The following CCDC57 variants were observed in gnomAD, a reference collection of about 807,000 sequenced individuals.
The protein encoded by CCDC57 is coiled-coil domain-containing protein 57.
Under a neutral mutation model 118.9 loss-of-function variants are expected in CCDC57, and 118 were observed. That is an observed-to-expected ratio of 0.99 (90% CI 0.86 to 1.16). The LOEUF (loss-of-function observed/expected upper bound fraction) is 1.16, where lower values mean the gene tolerates loss of function less well. CCDC57 is among the 50% of genes most tolerant of loss of function. The pLI is 0.00. For synonymous variants in CCDC57, 527 were observed against 532.9 expected (o/e 0.99, Z 0.15); for missense variants, 1,300 against 1,320.7 (o/e 0.98, Z 0.24).
exon 4 of CCDC57, chr17:82,198,388 G>T: frequency 6.2e-7 from 1 of 1,612,914 alleles, no homozygotes; most frequent in African/African-American, 1.3e-5. Context: ...TTTTCATACT[G>T]TTCCCGGTGG....
chr17:82,157,513 C>G, intron 15 of CCDC57: 1 of 1,423,680 alleles, frequency 7.0e-7, no homozygotes, highest in Non-Finnish European at 9.1e-7. Flanking sequence ...CCGCCCCCCA[C>G]CAACGGGGCA....
chr17:82,195,407 AG>A (rs1313535237), intron 4 of CCDC57, 43 bp from the exon 4 acceptor site: 1 of 1,493,886 alleles, frequency 6.7e-7, no homozygotes, highest in Non-Finnish European at 9.1e-7. Flanking sequence ...GTGGGAACCC[AG>A]CAAAGACCCC....
intron 7 of CCDC57, among the ~76,000 whole-genome samples, chr17:82,190,692 T>C (rs1172088715): frequency 4.1e-5 from 5 of 120,586 alleles, no homozygotes; most frequent in African/African-American, 1.0e-4. Flanking sequence ...CGAGACTCTG[T>C]CTCAAAAAAA....
chr17:82,191,982 T>G (rs1195228691), intron 7 of CCDC57, among the ~76,000 whole-genome samples: 1 of 141,302 alleles, frequency 7.1e-6, no homozygotes, highest in Admixed American at 7.8e-5. Flanking sequence ...TCTACTTTTT[T>G]ATGACTTTTT....
chr17:82,208,255 CCTTAA>C (rs1443077509), intron 1 of CCDC57, among the ~76,000 whole-genome samples: 1 of 151,500 alleles, frequency 6.6e-6, no homozygotes, highest in African/African-American at 2.4e-5. Context: ...TATTTAATAC[CCTTAA>C]CTTATTATTA....
intron 13 of CCDC57, among the ~76,000 whole-genome samples, chr17:82,165,539 A>C (rs748873732): frequency 6.6e-6 from 1 of 151,530 alleles, no homozygotes. Context: ...CGGAGCAAGA[A>C]GACGGGGACG....
chr17:82,187,119 G>A (rs903552994), intron 8 of CCDC57, among the ~76,000 whole-genome samples: 3 of 150,360 alleles, frequency 2.0e-5, no homozygotes, highest in African/African-American at 7.4e-5. Context: ...TGCCCGTAAT[G>A]CCAGCTACTT....
At chr17:82,193,639 G>A in intron 7 of CCDC57, 117 bp downstream of exon 6, 1 of 806,274 alleles carries the variant, frequency 1.2e-6, no homozygotes, top group Admixed American at 2.6e-5. Flanking sequence ...CGGGCTCCCA[G>A]GTCCGATCCC....
In CCDC57 at chr17:82,120,922, A is replaced by AT. The variant is rs762947118; in HGVS notation, c.2899+6769dup. 1.0e-3 allele frequency among the ~76,000 whole-genome samples: 158 copies of AT among 152,054 alleles called. 8 individuals carry two copies. The highest frequency in any genetic ancestry group is 5.9e-4 in the Non-Finnish European group (40 of 68,008). ...AGGCGTCCGCCACCACGCCCGGCTA[A>AT]TTTTTTGTATTTTTAGTAGAGACAG... is the stretch of plus-strand genomic sequence containing the variant. On this transcript the variant is annotated intron_variant, in intron 19 of 19. Coordinates refer to ENST00000665763, the Ensembl canonical transcript of CCDC57.
chr17:82,172,256 C>A lies in CCDC57; in HGVS notation c.1729+382G>T, dbSNP rs1224550554. Among the ~76,000 whole-genome samples, 4 of 152,192 alleles carry A rather than the reference C, an allele frequency of 2.6e-5. No homozygotes were observed. Among genetic ancestry groups the A allele is most frequent in the Admixed American group, 6.5e-5 (1 of 15,288 alleles). On this transcript the variant is annotated intron_variant, in intron 12 of 19. Transcript: ENST00000665763. This position sits in a 1 kb window ranked among gnomAD's most constrained non-coding sequence, Gnocchi z 5.2. ...CATGGGGTCCCTGGGGGTCGGGAGG[C>A]CCTCATCAGCTCTGCCACAGACGCT...
intron 19 of CCDC57, among the ~76,000 whole-genome samples, chr17:82,105,886 C>T (rs1244901473): frequency 6.6e-6 from 1 of 152,244 alleles, no homozygotes; most frequent in African/African-American, 2.4e-5. Context: ...CTGGGCAGTC[C>T]TGCCACCCAT....
intron 16 of CCDC57, among the ~76,000 whole-genome samples, chr17:82,141,196 T>G (rs1390451158): frequency 9.0e-6 from 1 of 111,664 alleles, no homozygotes; most frequent in South Asian, 3.1e-4. Context: ...TTTTTTTTTT[T>G]TTTGTGAGAC....
intron 19 of CCDC57, among the ~76,000 whole-genome samples, chr17:82,121,745 T>G (rs1341794418): frequency 6.6e-6 from 1 of 152,200 alleles, no homozygotes; most frequent in African/African-American, 2.4e-5. Flanking sequence ...GGGCCGTGCA[T>G]GCCGCCTGCT....
At chr17:82,139,846 T>A (rs141528811) in intron 16 of CCDC57, among the ~76,000 whole-genome samples, 1 of 152,182 alleles carries the variant, frequency 6.6e-6, no homozygotes, top group Non-Finnish European at 1.5e-5. Flanking sequence ...AGCAGATGGA[T>A]TGTTGAGACC....
At chr17:82,150,569 G>C in intron 16 of CCDC57, among the ~76,000 whole-genome samples, 1 of 46,864 alleles carries the variant, frequency 2.1e-5, no homozygotes, top group Non-Finnish European at 3.8e-5. Context: ...AGAACCAGGC[G>C]CACACTCAGA....
At chr17:82,158,453 C>T (rs9901946) in intron 14 of CCDC57, among the ~76,000 whole-genome samples, 71,012 of 151,728 alleles carry the variant, frequency 0.47, 17,421 homozygotes, top group East Asian at 0.88. Flanking sequence ...CTTGGGAGGC[C>T]GAGGAGGGTG....
At chr17:82,123,505 G>A (rs2145164623) in intron 19 of CCDC57, among the ~76,000 whole-genome samples, 1 of 151,938 alleles carries the variant, frequency 6.6e-6, no homozygotes, top group South Asian at 2.1e-4. Context: ...GTTACATACT[G>A]GTAAAGGGAG....
chr17:82,178,315 T>C lies in CCDC57; in HGVS notation c.1506+159A>G, dbSNP rs7221504. On this transcript the variant is annotated intron_variant, in intron 11 of 19. Transcript: ENST00000665763. The stretch of plus-strand genomic sequence containing the variant: ...AAGAAGCCTGAGTTCACCTTAACTC[T>C]CTAAAGCTTCTGACTCACCCTTGTT... Among the ~76,000 whole-genome samples the C allele has an allele frequency of 4.5e-3, 680 of 152,352 alleles. 5 individuals carry two copies. Among genetic ancestry groups the C allele is most frequent in the African/African-American group, 0.016 (645 of 41,580 alleles).
At chr17:82,130,203 T>G (rs2145306688) in intron 17 of CCDC57, among the ~76,000 whole-genome samples, 1 of 151,204 alleles carries the variant, frequency 6.6e-6, no homozygotes, top group Middle Eastern at 3.4e-3. Flanking sequence ...TCTCAAAACA[T>G]TTTTTTTTGA....
Sources: allele counts gnomAD v4.1 joint callset (sites outside exome capture counted in the v4.1 genomes callset), GRCh38; gene constraint gnomAD v4.1.1; non-coding constraint Gnocchi (gnomAD v3.1); transcripts MANE v1.5; gene names NCBI Gene and HGNC (gene_info 2026-07-23, HGNC 2026-07-21).